Variants in PAPPA2 observed in about 807,000 individuals in gnomAD.
The protein encoded by PAPPA2 is pappalysin 2, also known as pappalysin-2.
In PAPPA2, 86 loss-of-function variants were observed where a neutral mutation model predicts 176.4. The ratio of observed to expected loss-of-function variants is 0.49; its 90% confidence interval spans 0.41 to 0.58. The LOEUF (loss-of-function observed/expected upper bound fraction) is 0.58. PAPPA2 is among the 20% of genes least tolerant of loss of function. PAPPA2 has a pLI of 0.00. For synonymous variants in PAPPA2, 809 were observed against 852.2 expected (o/e 0.95, Z 0.88); for missense variants, 2,073 against 2,256.9 (o/e 0.92, Z 1.65).
At chr1:176,474,679 C>T (rs971302582) in intron 1 of PAPPA2, among the ~76,000 whole-genome samples, 4 of 152,166 alleles carry the variant, frequency 2.6e-5, no homozygotes, top group African/African-American at 7.2e-5. Context: ...ACTACAAGTT[C>T]CATAATTATT....
At chr1:176,775,468 C>T (rs1557863766) in intron 17 of PAPPA2, among the ~76,000 whole-genome samples, 2 of 152,098 alleles carry the variant, frequency 1.3e-5, no homozygotes, top group African/African-American at 2.4e-5. Context: ...AAAGAAAGCT[C>T]ATTCTTCAAA....
At chr1:176,515,676 AG>A (rs1167527838) in intron 1 of PAPPA2, among the ~76,000 whole-genome samples, 26 of 152,174 alleles carry the variant, frequency 1.7e-4, no homozygotes, top group African/African-American at 6.3e-4. Flanking sequence ...GCACTGGGCG[AG>A]GCTGGCTTTG....
rs1293618047 is a variant in PAPPA2 at position 176,556,803 on chromosome 1, G to A, written c.481G>A (p.Gly161Arg). 3 of 1,614,006 alleles carry A rather than the reference G, an allele frequency of 1.9e-6. No homozygotes were observed. The highest frequency in any genetic ancestry group is 1.7e-5 in the Admixed American group (1 of 60,004). ...QRSKESLGEAGIQKGSAMAAT... is the reference protein window; with the variant it reads ...QRSKESLGEARIQKGSAMAAT... ...ATCCAAGGAGTCTCTAGGTGAGGCC[G>A]GGATTCAGAAAGGCTCAGCCATGGC... Residue 161 changes from glycine (G) to arginine (R), a missense_variant, in exon 2 of 23, where the codon GGG (glycine) becomes AGG (arginine). Gly to Arg is a moderately radical substitution (Grantham distance 125). This residue lies in a region of PAPPA2 where 1,196 missense variants were observed against 1,330.4 expected (regional missense o/e 0.90). Coordinates refer to ENST00000367662, the MANE Select transcript of PAPPA2 (RefSeq NM_020318.3).
At chr1:176,721,756 T>G (rs1661631092) in intron 12 of PAPPA2, among the ~76,000 whole-genome samples, 1 of 152,196 alleles carries the variant, frequency 6.6e-6, no homozygotes, top group Non-Finnish European at 1.5e-5. Flanking sequence ...TGTCTTTGCA[T>G]ATGTCTGGTT....
At chr1:176,514,794 G>A (rs760689954) in intron 1 of PAPPA2, among the ~76,000 whole-genome samples, 2 of 152,224 alleles carry the variant, frequency 1.3e-5, no homozygotes, top group Non-Finnish European at 2.9e-5. Context: ...GCAGAAATGC[G>A]ATGACAAAGC....
intron 7 of PAPPA2, among the ~76,000 whole-genome samples, chr1:176,698,111 A>G (rs1249670583): frequency 2.0e-5 from 3 of 152,074 alleles, no homozygotes; most frequent in Non-Finnish European, 4.4e-5. Flanking sequence ...TGAAAGGGAA[A>G]TTGCAATGTT....
At chr1:176,840,884 G>T (rs1667463119) in intron 22 of PAPPA2, among the ~76,000 whole-genome samples, 1 of 152,180 alleles carries the variant, frequency 6.6e-6, no homozygotes, top group African/African-American at 2.4e-5. Flanking sequence ...AAAGATACTT[G>T]AAGCTAGTTG....
In PAPPA2 at chr1:176,643,923, A is replaced by G. The variant is rs929881473; in HGVS notation, c.1992-27047A>G. On this transcript the variant is annotated intron_variant, in intron 3 of 22. Transcript: ENST00000367662. ...TGAAGGAGGTATCTTTCTAGGCACC[A>G]ACTCTTGCAGCAGAGGAGAAGGTGA... Among the ~76,000 whole-genome samples, 5 of 151,846 alleles carry G rather than the reference A, an allele frequency of 3.3e-5. No individual in the cohort carries two copies. In the East Asian group the frequency reaches 9.7e-4, roughly 30 times the overall value.
chr1:176,825,670 A>C (rs917652049), intron 21 of PAPPA2, among the ~76,000 whole-genome samples: 1 of 152,246 alleles, frequency 6.6e-6, no homozygotes, highest in African/African-American at 2.4e-5. Context: ...TATCAATAGA[A>C]TCTAAGGTAA....
intron 21 of PAPPA2, among the ~76,000 whole-genome samples, chr1:176,834,345 A>G: frequency 6.6e-6 from 1 of 152,188 alleles, no homozygotes. Context: ...TGAATTTTAC[A>G]TATTCCAAGA....
intron 5 of PAPPA2, among the ~76,000 whole-genome samples, chr1:176,691,800 A>G (rs1276844988): frequency 1.3e-5 from 2 of 152,234 alleles, no homozygotes; most frequent in Non-Finnish European, 2.9e-5. Flanking sequence ...TTCACAAGTG[A>G]AAAGGCCATC....
chr1:176,789,137 C>G (rs1304020136), intron 17 of PAPPA2, among the ~76,000 whole-genome samples: 1 of 152,148 alleles, frequency 6.6e-6, no homozygotes, highest in East Asian at 1.9e-4. Flanking sequence ...ATCAAACCCT[C>G]TTAAGAATAA....
intron 12 of PAPPA2, among the ~76,000 whole-genome samples, chr1:176,727,645 T>C (rs1661943696): frequency 6.6e-6 from 1 of 152,020 alleles, no homozygotes; most frequent in Non-Finnish European, 1.5e-5. Context: ...TGTTAGTAAT[T>C]CATTTAATAA....
intron 1 of PAPPA2, among the ~76,000 whole-genome samples, chr1:176,492,682 G>C (rs959199094): frequency 2.6e-5 from 4 of 152,154 alleles, no homozygotes; most frequent in African/African-American, 9.7e-5. Context: ...GTTCAGATTT[G>C]AAAGTAAGCT....
chr1:176,748,054 A>T (rs530675477), intron 14 of PAPPA2, among the ~76,000 whole-genome samples: 12 of 152,354 alleles, frequency 7.9e-5, no homozygotes, highest in African/African-American at 2.9e-4. Context: ...CAAGTGTTAC[A>T]GCTTGTCAAC....
intron 1 of PAPPA2, among the ~76,000 whole-genome samples, chr1:176,542,193 G>A (rs1650399355): frequency 6.6e-6 from 1 of 151,948 alleles, no homozygotes; most frequent in Non-Finnish European, 1.5e-5. Flanking sequence ...ACTATGTTTG[G>A]ATTTTCAAAA....
At chr1:176,708,871 T>G (rs1661007629) in intron 10 of PAPPA2, among the ~76,000 whole-genome samples, 1 of 152,202 alleles carries the variant, frequency 6.6e-6, no homozygotes, top group Admixed American at 6.6e-5. Context: ...AATGCTCTTA[T>G]TGAATATATA....
chr1:176,777,664 T>C (rs773075228), intron 17 of PAPPA2, among the ~76,000 whole-genome samples: 1 of 152,180 alleles, frequency 6.6e-6, no homozygotes, highest in Non-Finnish European at 1.5e-5. Context: ...AGCAAGTTAC[T>C]GATCTGTAGT....
chr1:176,621,806 T>C (rs1655616804), intron 3 of PAPPA2, among the ~76,000 whole-genome samples: 1 of 152,188 alleles, frequency 6.6e-6, no homozygotes, highest in Non-Finnish European at 1.5e-5. Flanking sequence ...CAGGAAACAT[T>C]GCTCTTTCTT....
Sources: allele counts gnomAD v4.1 joint callset (sites outside exome capture counted in the v4.1 genomes callset), GRCh38; gene constraint gnomAD v4.1.1; regional missense constraint gnomAD v4.1.1; transcripts MANE v1.5; gene names NCBI Gene and HGNC (gene_info 2026-07-23, HGNC 2026-07-21).